The following DNA2 variants were observed in gnomAD, a reference collection of about 807,000 sequenced individuals.
DNA2 encodes DNA replication helicase/nuclease 2.
A neutral mutation model predicts 119.1 loss-of-function variants in DNA2; 101 were observed. The observed-to-expected ratio is 0.85, with a 90% CI of 0.72 to 1.00. The LOEUF is 1.00. Among genes scored for constraint, DNA2 ranks in the 50% least tolerant of loss-of-function variants. The pLI, the probability that DNA2 is intolerant of heterozygous loss-of-function variation, is 0.00. For missense variants in DNA2, 1,121 were observed against 1,255.5 expected (o/e 0.89, Z 1.62); for synonymous variants, 366 against 424.4 (o/e 0.86, Z 1.69).
At position 68,443,023 on chromosome 10, in the gene DNA2, G is replaced by A; in HGVS notation, c.1309C>T (p.His437Tyr). ...CACCAAAGGCTGAAATATTCTAAGT[G>A]TGTTTGCTTCAGATGCTGGGTTTCT... ...EEETQHLKQT[H>Y]LEYFSLWCLM... Residue 437 changes from histidine (H) to tyrosine (Y), a missense_variant, in exon 9 of 21, where the codon CAC (histidine) becomes TAC (tyrosine). By Grantham distance (83) the His-to-Tyr change is moderately conservative. Coordinates refer to ENST00000358410, the MANE Select transcript of DNA2 (RefSeq NM_001080449.3). The A allele has an allele frequency of 6.2e-7, 1 of 1,608,332 alleles. No individual in the cohort carries two copies. Among genetic ancestry groups the A allele is most frequent in the Non-Finnish European group, 8.5e-7 (1 of 1,176,936 alleles).
At position 68,446,362 on chromosome 10, in the gene DNA2, C is replaced by T; in HGVS notation, c.991G>A (p.Gly331Ser). 2 of 1,599,510 alleles carry T rather than the reference C, an allele frequency of 1.3e-6. No homozygotes were observed. Among genetic ancestry groups the T allele is most frequent in the South Asian group, 1.1e-5 (1 of 88,250 alleles). ...SQERRADPEA[G>S]LLLYLKTGQM... is the part of the protein sequence containing the mutation. ...CCAGTCTTGAGGTAGAGAAGCAAGC[C>T]AGCCTCTGGATCAGCTCTTCTCTCT... is the stretch of plus-strand genomic sequence containing the variant. The change falls in exon 7 of 21, where the codon GGC becomes AGC. Residue 331 changes from glycine (G) to serine (S), a missense_variant. Gly to Ser is a moderately conservative substitution (Grantham distance 56, BLOSUM62 0). Coordinates refer to ENST00000358410, the MANE Select transcript of DNA2 (RefSeq NM_001080449.3).
At chr10:68,456,594 A>G (rs2052185220) in intron 5 of DNA2, among the ~76,000 whole-genome samples, 1 of 151,910 alleles carries the variant, frequency 6.6e-6, no homozygotes, top group African/African-American at 2.4e-5. Flanking sequence ...TCATATTTTT[A>G]GTAGAGATGG....
chr10:68,421,171 A>AG (rs146769877), intron 17 of DNA2, among the ~76,000 whole-genome samples: 37,335 of 151,726 alleles, frequency 0.25, 6,118 homozygotes, highest in African/African-American at 0.46. Flanking sequence ...TCCTGACCCC[A>AG]GTGATCCACC....
At chr10:68,456,131 ATGAC>A (rs1564893649) in intron 5 of DNA2, among the ~76,000 whole-genome samples, 2 of 152,112 alleles carry the variant, frequency 1.3e-5, no homozygotes, top group Non-Finnish European at 2.9e-5. Context: ...CTGAGGTGGA[ATGAC>A]TGTTTGAACT....
chr10:68,460,100 TTTCTC>T (rs1343239720), intron 4 of DNA2, among the ~76,000 whole-genome samples: 1 of 151,902 alleles, frequency 6.6e-6, no homozygotes, highest in Non-Finnish European at 1.5e-5. Context: ...TCTTTTTCTT[TTTCTC>T]TTTTCTTTTT....
intron 8 of DNA2, among the ~76,000 whole-genome samples, chr10:68,443,444 G>C (rs78459882): frequency 0.025 from 3,832 of 152,194 alleles, 158 homozygotes; most frequent in African/African-American, 0.087. Flanking sequence ...TGTACACCCA[G>C]CTCAGTGACG....
At chr10:68,465,890 A>G in intron 3 of DNA2, 78 bp from the exon 4 acceptor site, 4 of 1,258,282 alleles carry the variant, frequency 3.2e-6, no homozygotes, top group Non-Finnish European at 4.1e-6. Flanking sequence ...AATCTATTAA[A>G]CCACCATAGC....
intron 7 of DNA2, among the ~76,000 whole-genome samples, chr10:68,445,487 T>TAAAATA (rs1315316665): frequency 3.3e-5 from 5 of 151,746 alleles, no homozygotes; most frequent in African/African-American, 4.8e-5. Context: ...AATAAATAAA[T>TAAAATA]AAAATAAAAA....
chr10:68,447,939 G>C (rs1420402336), intron 6 of DNA2, among the ~76,000 whole-genome samples: 1 of 150,352 alleles, frequency 6.7e-6, no homozygotes, highest in Non-Finnish European at 1.5e-5. Context: ...AGCCGAGATC[G>C]CGCCACTGCA....
In DNA2 at chr10:68,443,069, C is replaced by G. The variant is rs764312339; in HGVS notation, c.1263G>C (p.Val421=). The G allele has an allele frequency of 1.3e-6, 2 of 1,585,292 alleles. No homozygotes were observed. The highest frequency in any genetic ancestry group is 2.3e-5 in the East Asian group (1 of 44,172). Residue 421 remains valine, a synonymous_variant, in exon 9 of 21, where the codon GTG becomes GTC. Transcript: ENST00000358410. ...QQMDCSSVPI[V]MLPKIEEETQ... is the part of the protein sequence containing the mutation. ...TTTCTTCTTCTATTTTGGGCAGCAT[C>G]ACAATTGGGACTGAACTACAATCCA... is the stretch of plus-strand genomic sequence containing the variant.
chr10:68,424,928 C>A, intron 14 of DNA2: 5 of 680,478 alleles, frequency 7.3e-6, no homozygotes, highest in Non-Finnish European at 1.4e-5. Flanking sequence ...AACACAAAGC[C>A]AAGTCTCGAC....
intron 4 of DNA2, among the ~76,000 whole-genome samples, chr10:68,462,320 G>A (rs920354794): frequency 9.9e-5 from 15 of 151,934 alleles, no homozygotes; most frequent in African/African-American, 3.1e-4. Context: ...GCAGTGAGCC[G>A]AGGTCATGCC....
chr10:68,419,017 A>G lies in DNA2; in HGVS notation c.2967+17T>C. On this transcript the variant is annotated intron_variant, in intron 19 of 20. Transcript: ENST00000358410. The stretch of plus-strand genomic sequence containing the variant: ...GAAATGCCCCAAATGAATCAGTAGC[A>G]AACACAATTAACTCACAGTTCCATC... 6.4e-7 allele frequency: 1 copy of G among 1,564,648 alleles called. No homozygotes were observed. The highest frequency in any genetic ancestry group is 2.3e-5 in the East Asian group (1 of 42,678).
chr10:68,467,190 T>C (rs2052336961), intron 3 of DNA2, among the ~76,000 whole-genome samples: 1 of 151,992 alleles, frequency 6.6e-6, no homozygotes, highest in African/African-American at 2.4e-5. Context: ...CTCAGCTCAC[T>C]GCAACCTCCG....
intron 4 of DNA2, among the ~76,000 whole-genome samples, chr10:68,461,002 G>T (rs145020074): frequency 8.5e-4 from 129 of 152,058 alleles, no homozygotes; most frequent in African/African-American, 3.0e-3. Flanking sequence ...CTAATTGGAA[G>T]AGTCCCAGTT....
chr10:68,449,969 GTC>G, intron 6 of DNA2, 57 bp downstream of exon 6: 1 of 1,134,230 alleles, frequency 8.8e-7, no homozygotes, highest in Non-Finnish European at 1.2e-6. Context: ...ACAAGACTCT[GTC>G]TCAAAAAAAA....
intron 5 of DNA2, among the ~76,000 whole-genome samples, chr10:68,453,989 A>C (rs1042418058): frequency 6.6e-6 from 1 of 151,902 alleles, no homozygotes; most frequent in Non-Finnish European, 1.5e-5. Context: ...GATGAGTCTG[A>C]ATTCCACACT....
At chr10:68,429,722 A>G (rs1362785796) in intron 14 of DNA2, among the ~76,000 whole-genome samples, 1 of 147,150 alleles carries the variant, frequency 6.8e-6, no homozygotes, top group Non-Finnish European at 1.5e-5. Context: ...AAAAAAAAAA[A>G]AAAAAAAAAG....
chr10:68,415,239 G>A, intron 20 of DNA2, 132 bp from the exon 21 acceptor site: 2 of 541,496 alleles, frequency 3.7e-6, no homozygotes, highest in African/African-American at 1.9e-5. Flanking sequence ...GGCATTCAAT[G>A]AATAATTATG....
Sources: gnomAD v4.1 joint callset for allele counts (sites outside exome capture counted in the v4.1 genomes callset) on GRCh38, gnomAD v4.1.1 for gene constraint, MANE v1.5 for transcripts, NCBI Gene and HGNC (gene_info 2026-07-23, HGNC 2026-07-21) for gene names.